PPFIA2: variants seen among roughly 807,000 people sequenced by gnomAD.
The protein encoded by PPFIA2 is liprin-alpha-2.
In PPFIA2, 46 loss-of-function variants were observed where a neutral mutation model predicts 175.5. The observed-to-expected ratio is 0.26, with a 90% CI of 0.21 to 0.34. The LOEUF (loss-of-function observed/expected upper bound fraction) is 0.34. PPFIA2 is among the 10% of genes least tolerant of loss of function. PPFIA2 has a pLI of 1.00. For missense variants in PPFIA2, 1,179 were observed against 1,506.1 expected (o/e 0.78, Z 3.60); for synonymous variants, 568 against 511.4 (o/e 1.11, Z -1.49).
Position 81,590,454 on chromosome 12 carries a change from T to A in PPFIA2, c.303+86337A>T, listed in dbSNP as rs563839304. ...ATCCATATACTAATTACCATTAGTA[T>A]CTTTTTTCTTTTTCTTTTTTATTTT... On this transcript the variant is annotated intron_variant, in intron 4 of 32. Coordinates refer to ENST00000549396, the MANE Select transcript of PPFIA2 (RefSeq NM_003625.5). 1.7e-4 allele frequency among the ~76,000 whole-genome samples: 26 copies of A among 152,274 alleles called. 1 individual carries two copies. The highest frequency in any genetic ancestry group is 6.3e-4 in the African/African-American group (26 of 41,560).
chr12:81,621,995 T>C (rs2062096688), intron 4 of PPFIA2, among the ~76,000 whole-genome samples: 1 of 152,084 alleles, frequency 6.6e-6, no homozygotes, highest in African/African-American at 2.4e-5. Flanking sequence ...AACATCCCAA[T>C]ATGAAAGACC....
intron 4 of PPFIA2, among the ~76,000 whole-genome samples, chr12:81,666,951 T>C (rs1346547959): frequency 6.6e-6 from 1 of 152,094 alleles, no homozygotes; most frequent in Admixed American, 6.6e-5. Flanking sequence ...AAGGTTTATA[T>C]AAAATATGGT....
Position 81,486,825 on chromosome 12 carries a change from A to G in PPFIA2, c.304-28959T>C, listed in dbSNP as rs535717497. Among the ~76,000 whole-genome samples, 4 of 152,036 alleles carry G rather than the reference A, an allele frequency of 2.6e-5. No homozygotes were observed. In the East Asian group the frequency reaches 5.8e-4, roughly 22 times the overall value. On this transcript the variant is annotated intron_variant, in intron 4 of 32. Transcript: ENST00000549396. ...GTCCACCTCAAGAAATAATTTTTAT[A>G]TAACTGTCAACTCCAATTTTTTGAT...
chr12:81,404,539 GATAA>G (rs1263549814), intron 8 of PPFIA2, among the ~76,000 whole-genome samples: 6 of 152,118 alleles, frequency 3.9e-5, no homozygotes, highest in Non-Finnish European at 8.8e-5. Context: ...TTGAAGGAAA[GATAA>G]ATAATGTTAT....
chr12:81,742,048 G>T (rs544219715), intron 3 of PPFIA2, among the ~76,000 whole-genome samples: 1 of 152,246 alleles, frequency 6.6e-6, no homozygotes, highest in South Asian at 2.1e-4. Context: ...AGTCCCTAAG[G>T]CAGTTGAATC....
At chr12:81,275,504 T>A (rs986456849) in intron 28 of PPFIA2, among the ~76,000 whole-genome samples, 2 of 145,288 alleles carry the variant, frequency 1.4e-5, no homozygotes, top group African/African-American at 2.4e-5. Context: ...CTAAAAAAAA[T>A]CTTAAGAATA....
chr12:81,263,248 C>A lies in PPFIA2; in HGVS notation c.3698G>T (p.Arg1233Ile). The A allele has an allele frequency of 6.2e-7, 1 of 1,608,814 alleles. No individual in the cohort carries two copies. The highest frequency in any genetic ancestry group is 8.5e-7 in the Non-Finnish European group (1 of 1,176,998). The change falls in exon 31 of 33, where the codon AGA (arginine) becomes ATA (isoleucine). Residue 1233 changes from arginine (R) to isoleucine (I), a missense_variant. By Grantham distance (97) the Arg-to-Ile change is moderately conservative. Coordinates refer to ENST00000549396, the MANE Select transcript of PPFIA2 (RefSeq NM_003625.5). ...TACTGTACCATCTGTTGTCATTTTT[C>A]TTGACTGCCCAGAGGTTGTGGTTAA... ...FRLTTTSGQSRKMTTDVASSR... is the reference protein window; with the variant it reads ...FRLTTTSGQSIKMTTDVASSR...
At chr12:81,743,967 C>T (rs1253616516) in intron 3 of PPFIA2, among the ~76,000 whole-genome samples, 2 of 152,106 alleles carry the variant, frequency 1.3e-5, no homozygotes, top group African/African-American at 2.4e-5. Flanking sequence ...AAAATTAATA[C>T]ATCTAAAATG....
chr12:81,564,493 T>C (rs1250663978), intron 4 of PPFIA2, among the ~76,000 whole-genome samples: 1 of 152,128 alleles, frequency 6.6e-6, no homozygotes, highest in African/African-American at 2.4e-5. Context: ...TGGAGTTCTT[T>C]TGTTGGTTTT....
chr12:81,261,546 C>T (rs886681157), intron 32 of PPFIA2, among the ~76,000 whole-genome samples: 2 of 152,092 alleles, frequency 1.3e-5, no homozygotes. Context: ...GGTGAACTTG[C>T]TTAAATCCCT....
At chr12:81,557,004 T>C (rs1490652095) in intron 4 of PPFIA2, among the ~76,000 whole-genome samples, 1 of 151,898 alleles carries the variant, frequency 6.6e-6, no homozygotes, top group Non-Finnish European at 1.5e-5. Flanking sequence ...TTTTAAAATA[T>C]TTGTAGAAGT....
intron 4 of PPFIA2, among the ~76,000 whole-genome samples, chr12:81,574,838 G>T (rs1053831204): frequency 1.3e-5 from 2 of 151,726 alleles, no homozygotes; most frequent in Non-Finnish European, 2.9e-5. Context: ...AAGTTTAATT[G>T]TTTGCTGCTG....
At chr12:81,265,126 C>T (rs1327548840) in intron 30 of PPFIA2, among the ~76,000 whole-genome samples, 1 of 151,688 alleles carries the variant, frequency 6.6e-6, no homozygotes, top group Non-Finnish European at 1.5e-5. Context: ...AACCCTGTCT[C>T]TACTAAAAAA....
intron 3 of PPFIA2, among the ~76,000 whole-genome samples, chr12:81,706,852 T>G (rs2153609043): frequency 6.6e-6 from 1 of 152,264 alleles, no homozygotes; most frequent in African/African-American, 2.4e-5. Flanking sequence ...AACAGAGCCC[T>G]CAGAAATAAC....
chr12:81,420,495 GTCT>G (rs1025150858), intron 7 of PPFIA2, among the ~76,000 whole-genome samples: 8 of 151,904 alleles, frequency 5.3e-5, no homozygotes, highest in African/African-American at 1.4e-4. Context: ...ATAAAAAAGA[GTCT>G]AACAGAAGTT....
chr12:81,333,625 AT>A (rs534081322), intron 21 of PPFIA2, among the ~76,000 whole-genome samples: 13 of 149,832 alleles, frequency 8.7e-5, no homozygotes, highest in Non-Finnish European at 1.8e-4. Context: ...TGAATTTTTT[AT>A]TTTTTTTCTT....
chr12:81,342,140 G>T (rs950813174), intron 19 of PPFIA2, among the ~76,000 whole-genome samples: 1 of 152,168 alleles, frequency 6.6e-6, no homozygotes, highest in African/African-American at 2.4e-5. Context: ...CTTTAGTACA[G>T]AATCCAGAAT....
chr12:81,718,183 T>A (rs1275624822), intron 3 of PPFIA2, among the ~76,000 whole-genome samples: 1 of 151,614 alleles, frequency 6.6e-6, no homozygotes, highest in Non-Finnish European at 1.5e-5. Context: ...GTGACATGGC[T>A]TTGTGGCTAG....
chr12:81,527,836 CAT>C (rs1200816763), intron 4 of PPFIA2, among the ~76,000 whole-genome samples: 2 of 152,004 alleles, frequency 1.3e-5, no homozygotes, highest in Non-Finnish European at 2.9e-5. Context: ...CTGCTTCCAT[CAT>C]ATAAGGACAC....
Sources: allele counts gnomAD v4.1 joint callset (sites outside exome capture counted in the v4.1 genomes callset), GRCh38; gene constraint gnomAD v4.1.1; transcripts MANE v1.5; gene names NCBI Gene and HGNC (gene_info 2026-07-23, HGNC 2026-07-21).